Variants in MPP7 observed in about 807,000 individuals in gnomAD.
The protein encoded by MPP7 is MAGUK p55 scaffold protein 7, also known as MAGUK p55 subfamily member 7.
Under a neutral mutation model 76.5 loss-of-function variants are expected in MPP7, and 60 were observed. The observed-to-expected ratio is 0.78, with a 90% CI of 0.64 to 0.97. The LOEUF (loss-of-function observed/expected upper bound fraction) is 0.97. Ranked by LOEUF, MPP7 falls within the 50% of genes least tolerant of loss-of-function variation. The pLI is 0.00. For missense variants in MPP7, 641 were observed against 694.0 expected, an observed-to-expected ratio of 0.92 and a Z score of 0.86; for synonymous variants, 237 against 244.5, an observed-to-expected ratio of 0.97 and a Z score of 0.29.
chr10:28,072,744 G>C (rs777577475), intron 12 of MPP7, among the ~76,000 whole-genome samples: 1 of 152,166 alleles, frequency 6.6e-6, no homozygotes, highest in Non-Finnish European at 1.5e-5. Flanking sequence ...CCATCACTAG[G>C]AGCTGATTCA....
intron 6 of MPP7, among the ~76,000 whole-genome samples, chr10:28,127,814 G>C (rs1286522141): frequency 6.6e-6 from 1 of 152,194 alleles, no homozygotes; most frequent in Non-Finnish European, 1.5e-5. Context: ...AGACCAGGAT[G>C]CCAGGGCAGG....
chr10:28,117,247 T>A (rs1834690827), intron 11 of MPP7, among the ~76,000 whole-genome samples: 2 of 152,144 alleles, frequency 1.3e-5, no homozygotes, highest in Admixed American at 6.5e-5. Context: ...ATTCATTATT[T>A]CAAATCCTAT....
At chr10:28,236,063 A>C (rs1808881320) in intron 2 of MPP7, among the ~76,000 whole-genome samples, 1 of 152,212 alleles carries the variant, frequency 6.6e-6, no homozygotes, top group African/African-American at 2.4e-5. Context: ...TTTTCCCAAC[A>C]GATCGGTAAA....
chr10:28,088,775 T>C (rs1035291686), intron 12 of MPP7, among the ~76,000 whole-genome samples: 4 of 152,234 alleles, frequency 2.6e-5, no homozygotes, highest in African/African-American at 9.6e-5. Flanking sequence ...TACATGGAGC[T>C]TGTGGCTACT....
chr10:28,084,650 C>CA lies in MPP7; in HGVS notation c.1123+5020dup, dbSNP rs200335777. ...CAAGACTACCTCTATCTATGGCAAT[C>CA]AAAAAACTATTGAGAGACAATCTCT... On this transcript the variant is annotated intron_variant, in intron 12 of 16. Transcript: ENST00000683449. Among the ~76,000 whole-genome samples, 1,064 of 152,188 alleles carry CA rather than the reference C, an allele frequency of 7.0e-3. 14 individuals carry two copies. The highest frequency in any genetic ancestry group is 0.024 in the African/African-American group (1,013 of 41,520).
chr10:28,317,258 T>G (rs2133180266), intron 2 of MPP7, among the ~76,000 whole-genome samples: 1 of 152,338 alleles, frequency 6.6e-6, no homozygotes, highest in African/African-American at 2.4e-5. Flanking sequence ...CTGGACACAG[T>G]GGCTCACACC....
At chr10:28,304,054 C>T (rs1041404924), upstream of MPP7, among the ~76,000 whole-genome samples, 9 of 152,070 alleles carry the variant, frequency 5.9e-5, no homozygotes, top group East Asian at 7.7e-4. Flanking sequence ...GAAAGCTCAG[C>T]TGATGGAGGG....
chr10:28,316,138 A>T (rs1834317061), intron 2 of MPP7, among the ~76,000 whole-genome samples: 1 of 152,206 alleles, frequency 6.6e-6, no homozygotes, highest in Admixed American at 6.5e-5. Flanking sequence ...GATATCACAT[A>T]AAAACTGAGA....
intron 1 of MPP7, among the ~76,000 whole-genome samples, chr10:28,275,658 C>T (rs542558207): frequency 2.6e-5 from 4 of 152,056 alleles, no homozygotes; most frequent in South Asian, 2.1e-4. Context: ...CCACCTGCCT[C>T]GGCCTCCCAA....
chr10:28,324,795 T>C (rs938686358), intron 2 of MPP7, among the ~76,000 whole-genome samples: 1 of 152,308 alleles, frequency 6.6e-6, no homozygotes, highest in African/African-American at 2.4e-5. Flanking sequence ...GGTTTATACA[T>C]CCCGGAGTGA....
At chr10:28,195,683 A>ATT (rs1338206872) in intron 3 of MPP7, among the ~76,000 whole-genome samples, 1 of 152,242 alleles carries the variant, frequency 6.6e-6, no homozygotes, top group Non-Finnish European at 1.5e-5. Context: ...GGATAGGCAA[A>ATT]TACATAGAGA....
At chr10:28,311,262 C>T (rs561890752) in intron 2 of MPP7, among the ~76,000 whole-genome samples, 58 of 152,256 alleles carry the variant, frequency 3.8e-4, no homozygotes, top group African/African-American at 1.2e-3. Flanking sequence ...GCTGCATACT[C>T]AAGGACTTCT....
At chr10:28,091,763 T>C (rs1341198268) in intron 11 of MPP7, among the ~76,000 whole-genome samples, 1 of 152,218 alleles carries the variant, frequency 6.6e-6, no homozygotes, top group African/African-American at 2.4e-5. Flanking sequence ...TGAACATGTA[T>C]TGAGTGTTAT....
intron 2 of MPP7, among the ~76,000 whole-genome samples, chr10:28,211,807 G>A (rs1838146789): frequency 6.6e-6 from 1 of 152,078 alleles, no homozygotes; most frequent in African/African-American, 2.4e-5. Context: ...GGAGCAAGAA[G>A]AAGAGGGGAT....
intron 1 of MPP7, among the ~76,000 whole-genome samples, chr10:28,290,419 G>A (rs1445431059): frequency 2.7e-5 from 4 of 150,532 alleles, no homozygotes; most frequent in African/African-American, 9.8e-5. Flanking sequence ...TACTTTATCT[G>A]CAACTGCCCC....
chr10:28,253,261 C>T (rs1168381361), intron 1 of MPP7, among the ~76,000 whole-genome samples: 4 of 152,080 alleles, frequency 2.6e-5, no homozygotes, highest in Admixed American at 6.6e-5. Context: ...AAAAGATGAG[C>T]TGGCAAGTGG....
chr10:28,114,463 T>G (rs10508730), intron 11 of MPP7, among the ~76,000 whole-genome samples: 4,529 of 152,032 alleles, frequency 0.03, 131 homozygotes, highest in East Asian at 0.11. Flanking sequence ...ATGTGCTGTC[T>G]TAAGAGAATG....
chr10:28,222,199 T>TAAAA (rs561035603), intron 2 of MPP7, among the ~76,000 whole-genome samples: 1 of 142,530 alleles, frequency 7.0e-6, no homozygotes, highest in African/African-American at 2.6e-5. Context: ...GTACTACGAT[T>TAAAA]AAAAAAAAAA....
At chr10:28,324,496 AT>A (rs2133187264) in intron 2 of MPP7, among the ~76,000 whole-genome samples, 1 of 152,210 alleles carries the variant, frequency 6.6e-6, no homozygotes, top group African/African-American at 2.4e-5. Context: ...GGGTTCTTTA[AT>A]TTTTCTGCAC....
Sources: allele counts gnomAD v4.1 joint callset (sites outside exome capture counted in the v4.1 genomes callset), GRCh38; gene constraint gnomAD v4.1.1; transcripts MANE v1.5; gene names NCBI Gene and HGNC (gene_info 2026-07-23, HGNC 2026-07-21).